Variants in MAN1C1 observed in about 807,000 individuals in gnomAD.
MAN1C1 encodes mannosidase alpha class 1C member 1, also known as mannosyl-oligosaccharide 1,2-alpha-mannosidase IC.
Under a neutral mutation model 71.5 loss-of-function variants are expected in MAN1C1, and 49 were observed. The observed-to-expected ratio is 0.69, with a 90% CI of 0.54 to 0.87. The LOEUF (loss-of-function observed/expected upper bound fraction) is 0.87, where lower values mean the gene tolerates loss of function less well. MAN1C1 is among the 40% of genes least tolerant of loss of function. The pLI is 0.00. For synonymous variants in MAN1C1, 352 were observed against 343.7 expected, an observed-to-expected ratio of 1.02 and a Z score of -0.27; for missense variants, 743 against 835.0, an observed-to-expected ratio of 0.89 and a Z score of 1.36.
chr1:25,781,256 A>C (rs2047690927), intron 10 of MAN1C1, 144 bp downstream of exon 10: 16 of 865,774 alleles, frequency 1.8e-5, no homozygotes, highest in Non-Finnish European at 2.7e-5. Flanking sequence ...CAAAGGGTCA[A>C]GGTGGTGGTT....
intron 1 of MAN1C1, among the ~76,000 whole-genome samples, chr1:25,639,345 T>G (rs7537745): frequency 0.05 from 7,635 of 152,270 alleles, 637 homozygotes; most frequent in African/African-American, 0.17. Context: ...TTGGCCTGTT[T>G]ATATTGACTG....
At chr1:25,629,207 T>C (rs1229365722) in intron 1 of MAN1C1, among the ~76,000 whole-genome samples, 1 of 152,254 alleles carries the variant, frequency 6.6e-6, no homozygotes, top group Non-Finnish European at 1.5e-5. Flanking sequence ...TTTACATTCC[T>C]ACCAGCAGTG....
rs2047638314 is a variant in MAN1C1 at position 25,777,802 on chromosome 1, A to G, written c.1258-303A>G. 2.4e-5 allele frequency: 7 copies of G among 295,730 alleles called. No individual in the cohort carries two copies. The East Asian group carries it at 4.0e-4, about 17-fold the overall frequency. The allele number at this position is 295,730 out of a possible 1,614,324, so 18.3% of individuals were successfully genotyped here. ...GATCAAACAGAGGACATAATGGAGG[A>G]GGAGGATCACCTTAAAATATTTTTT... is the stretch of plus-strand genomic sequence containing the variant. On this transcript the variant is annotated intron_variant, in intron 8 of 11. Coordinates refer to ENST00000374332, the MANE Select transcript of MAN1C1 (RefSeq NM_020379.4).
In MAN1C1 at chr1:25,775,843, C is replaced by G. The variant is rs2047612124; in HGVS notation, c.1258-2262C>G. 4 of 152,370 alleles carry G rather than the reference C, an allele frequency of 2.6e-5. No individual in the cohort carries two copies. In the South Asian group the frequency reaches 8.3e-4, roughly 32 times the overall value. 9.4% of individuals were successfully genotyped at this position (152,370 alleles called of 1,614,324 possible). ...CTCCCTCTGCAAAGTACAGCACTGC[C>G]CCCACCCCAGTTTTTTTTGTTTTGT... is the stretch of plus-strand genomic sequence containing the variant. On this transcript the variant is annotated intron_variant, in intron 8 of 11. Coordinates refer to ENST00000374332, the MANE Select transcript of MAN1C1 (RefSeq NM_020379.4). The surrounding 1 kb of genome is among the most constrained non-coding windows in gnomAD (Gnocchi z 5.1).
chr1:25,763,693 G>A (rs569614362), intron 6 of MAN1C1, 181 bp from the exon 7 acceptor site: 2 of 600,968 alleles, frequency 3.3e-6, no homozygotes, highest in East Asian at 2.9e-5. Context: ...GTGGCACCAG[G>A]GCAAGGCCAC....
rs1199171140 is a variant in MAN1C1, at chr1:25,711,696, C to T, written c.637+25160C>T. Among the ~76,000 whole-genome samples the T allele has an allele frequency of 6.6e-6, 1 of 150,428 alleles. No individual in the cohort carries two copies. Among genetic ancestry groups the T allele is most frequent in the Non-Finnish European group, 1.5e-5 (1 of 67,580 alleles). On this transcript the variant is annotated intron_variant, in intron 2 of 11. Coordinates refer to ENST00000374332, the MANE Select transcript of MAN1C1 (RefSeq NM_020379.4). The surrounding 1 kb of genome is among the most constrained non-coding windows in gnomAD (Gnocchi z 4.3). ...CCCTCCCCTGCGTGCTGCAAGCCTG[C>T]CCCGGGCCCCACTTCCTCCCCTCCT...
chr1:25,633,535 C>CTT (rs766455245), intron 1 of MAN1C1, among the ~76,000 whole-genome samples: 4 of 102,240 alleles, frequency 3.9e-5, no homozygotes, highest in African/African-American at 1.8e-4. Context: ...CCTTGTTTGT[C>CTT]TTTTTTTTTT....
chr1:25,650,731 G>A (rs1557749058), intron 1 of MAN1C1, among the ~76,000 whole-genome samples: 2 of 152,204 alleles, frequency 1.3e-5, no homozygotes, highest in South Asian at 2.1e-4. Flanking sequence ...AAACTTGGAT[G>A]TATAAATGGC....
At chr1:25,703,884 A>C (rs1040122403) in intron 2 of MAN1C1, among the ~76,000 whole-genome samples, 1 of 152,132 alleles carries the variant, frequency 6.6e-6, no homozygotes, top group African/African-American at 2.4e-5. Context: ...GCCACCCAGA[A>C]GCTTTTGGAT....
chr1:25,657,797 C>A (rs9887970), intron 1 of MAN1C1, among the ~76,000 whole-genome samples: 1 of 152,182 alleles, frequency 6.6e-6, no homozygotes. Context: ...TGGCTACCAG[C>A]GCCTTGTATA....
At position 25,771,738 on chromosome 1, in the gene MAN1C1, T is replaced by C. The variant is rs752615642; in HGVS notation, c.1223T>C (p.Met408Thr). ...TGGTTGATGTCGGGCAAGACAGATA[T>C]GGAGGCTAAAAATATGTACTACGAA... Reference protein sequence around the residue: ...KSWLMSGKTDMEAKNMYYEAL... With the variant: ...KSWLMSGKTDTEAKNMYYEAL... Residue 408 changes from methionine (M) to threonine (T), a missense_variant, in exon 8 of 12, where the codon ATG becomes ACG. Physicochemically the swap from Met to Thr is moderately conservative, Grantham distance 81. Transcript: ENST00000374332. 1.4e-5 allele frequency: 23 copies of C among 1,614,108 alleles called. No individual in the cohort carries two copies. Among genetic ancestry groups the C allele is most frequent in the African/African-American group, 1.3e-5 (1 of 75,064 alleles).
At chr1:25,781,808 G>A (rs991551402) in intron 10 of MAN1C1, among the ~76,000 whole-genome samples, 1 of 152,092 alleles carries the variant, frequency 6.6e-6, no homozygotes, top group Non-Finnish European at 1.5e-5. Flanking sequence ...ATTGTTCTTG[G>A]CCTTCAAAGG....
At position 25,764,247 on chromosome 1, in the gene MAN1C1, C is replaced by T. The variant is rs531775300; in HGVS notation, c.1141+280C>T. ...CTACCTTCTCTGGCCCCATCAATGG[C>T]GCAGCCTTCCATCTCTTATGCTGCT... On this transcript the variant is annotated intron_variant, in intron 7 of 11. Transcript: ENST00000374332. This position sits in a 1 kb window ranked among gnomAD's most constrained non-coding sequence, Gnocchi z 4.4. 2.6e-5 allele frequency among the ~76,000 whole-genome samples: 4 copies of T among 152,224 alleles called. No individual in the cohort carries two copies. In the South Asian group the frequency reaches 8.3e-4, roughly 32 times the overall value.
chr1:25,685,684 C>T (rs775942772), intron 1 of MAN1C1, among the ~76,000 whole-genome samples: 13 of 152,236 alleles, frequency 8.5e-5, no homozygotes, highest in Admixed American at 2.0e-4. Context: ...CTTGTGCATA[C>T]TCTGGGTGAC....
intron 1 of MAN1C1, among the ~76,000 whole-genome samples, chr1:25,663,101 T>C (rs926902573): frequency 1.3e-5 from 2 of 148,402 alleles, no homozygotes; most frequent in Admixed American, 6.7e-5. Flanking sequence ...AAAAAAAAAA[T>C]TATACATATA....
chr1:25,767,290 CCTA>C, intron 7 of MAN1C1, among the ~76,000 whole-genome samples: 1 of 142,158 alleles, frequency 7.0e-6, no homozygotes, highest in South Asian at 2.3e-4. Flanking sequence ...TACATACACT[CCTA>C]CTCTCCCCTC....
chr1:25,737,540 TCAA>T (rs2046999577), intron 2 of MAN1C1, among the ~76,000 whole-genome samples: 1 of 152,220 alleles, frequency 6.6e-6, no homozygotes, highest in African/African-American at 2.4e-5. Context: ...ATTCATTCAT[TCAA>T]CAACCACTCG....
Position 25,753,711 on chromosome 1 carries a change from C to T in MAN1C1, c.929+133C>T. ...AAGCAGGAGGGGGGACCCTTGGGAC[C>T]ACCTCTGTTGAACCCGTTCTTTTAT... On this transcript the variant is annotated intron_variant, in intron 5 of 11. Transcript: ENST00000374332. The surrounding 1 kb of genome is among the most constrained non-coding windows in gnomAD (Gnocchi z 4.9). The T allele has an allele frequency of 1.5e-6, 1 of 688,842 alleles. No homozygotes were observed. The highest frequency in any genetic ancestry group is 1.8e-5 in the African/African-American group (1 of 54,660). 42.7% of individuals were successfully genotyped at this position (688,842 alleles called of 1,614,324 possible).
At chr1:25,699,489 A>G (rs187713747) in intron 2 of MAN1C1, among the ~76,000 whole-genome samples, 7 of 152,142 alleles carry the variant, frequency 4.6e-5, no homozygotes, top group Non-Finnish European at 7.4e-5. Flanking sequence ...TGGTGCTGGC[A>G]TATAAATGGG....
Sources: allele counts gnomAD v4.1 joint callset (sites outside exome capture counted in the v4.1 genomes callset), GRCh38; gene constraint gnomAD v4.1.1; non-coding constraint Gnocchi (gnomAD v3.1); transcripts MANE v1.5; gene names NCBI Gene and HGNC (gene_info 2026-07-23, HGNC 2026-07-21).